Variants in USP31 observed in about 807,000 individuals in gnomAD.
The protein encoded by USP31 is ubiquitin specific peptidase 31.
A neutral mutation model predicts 119.4 loss-of-function variants in USP31; 44 were observed. That is an observed-to-expected ratio of 0.37 (90% confidence interval 0.29 to 0.47). USP31 has a LOEUF of 0.47. USP31 is among the 20% of genes least tolerant of loss of function. The pLI, the probability that USP31 is intolerant of heterozygous loss-of-function variation, is 0.99. For synonymous variants in USP31, 749 were observed against 705.6 expected, an observed-to-expected ratio of 1.06 and a Z score of -0.97; for missense variants, 1,643 against 1,730.2, an observed-to-expected ratio of 0.95 and a Z score of 0.89.
chr16:23,095,263 T>A (rs1409322589), intron 6 of USP31, among the ~76,000 whole-genome samples: 1 of 152,088 alleles, frequency 6.6e-6, no homozygotes, highest in African/African-American at 2.4e-5. Context: ...GAAGCTCAAA[T>A]TAATGAAATA....
chr16:23,075,029 T>C (rs1156487352), intron 13 of USP31, among the ~76,000 whole-genome samples: 1 of 152,106 alleles, frequency 6.6e-6, no homozygotes, highest in East Asian at 1.9e-4. Flanking sequence ...GCCATAACCA[T>C]TTCCGCAAGT....
chr16:23,143,595 G>GC lies in USP31; in HGVS notation c.633+5042_633+5043insG, dbSNP rs1491409758. On this transcript the variant is annotated intron_variant, in intron 1 of 15. Coordinates refer to ENST00000219689, the MANE Select transcript of USP31 (RefSeq NM_020718.4). The stretch of plus-strand genomic sequence containing the variant: ...GAGAGAGGGAGAGGTTGGGGGGGGG[G>GC]AGAGAGAGAGAAAGAGAGAGCGCGA... Among the ~76,000 whole-genome samples the GC allele has an allele frequency of 8.6e-5, 12 of 140,060 alleles. No homozygotes were observed. The East Asian group carries it at 2.1e-3, about 24-fold the overall frequency. 91.9% of individuals were successfully genotyped at this position (140,060 alleles called of 152,430 possible).
chr16:23,117,678 A>G (rs1300765219), intron 1 of USP31, among the ~76,000 whole-genome samples: 1 of 152,228 alleles, frequency 6.6e-6, no homozygotes, highest in African/African-American at 2.4e-5. Flanking sequence ...ACTATGCAGT[A>G]GAAAAAGAAA....
Position 23,105,609 on chromosome 16 carries a change from T to G in USP31, c.954-33A>C. The G allele has an allele frequency of 2.0e-6, 3 of 1,495,948 alleles. No individual in the cohort carries two copies. In the South Asian group the frequency reaches 4.1e-5, roughly 21 times the overall value. The allele number at this position is 1,495,948 out of a possible 1,614,324, so 92.7% of individuals were successfully genotyped here. A position where few individuals can be genotyped will look rare whatever the true frequency, so the allele number is the denominator to read the frequency against. ...GATCAAAGTCAGATCTTCTCATTAG[T>G]CACTTATTTCAACTAAAATATAGAA... On this transcript the variant is annotated intron_variant, in intron 4 of 15. Coordinates refer to ENST00000219689, the MANE Select transcript of USP31 (RefSeq NM_020718.4).
intron 1 of USP31, among the ~76,000 whole-genome samples, chr16:23,136,695 A>G (rs951307533): frequency 6.6e-6 from 1 of 152,072 alleles, no homozygotes; most frequent in Non-Finnish European, 1.5e-5. Context: ...AGGCACTACC[A>G]AGAGAGTGAA....
intron 1 of USP31, among the ~76,000 whole-genome samples, chr16:23,137,583 A>G (rs1335058908): frequency 6.6e-6 from 1 of 150,752 alleles, no homozygotes; most frequent in African/African-American, 2.4e-5. Context: ...TCCTCCCTAC[A>G]TAATATAACA....
rs190498757 is a variant in USP31, at chr16:23,067,465, G to C, written c.*581C>G. On this transcript the variant is annotated 3_prime_UTR_variant, in exon 16 of 16. Transcript: ENST00000219689. ...GGTGTGCAACCATCCTAGACTAGCT[G>C]AGTATATACCTGAGAAACATTAGTG... 39 of 152,946 alleles carry C rather than the reference G, an allele frequency of 2.5e-4. No individual in the cohort carries two copies. Among genetic ancestry groups the C allele is most frequent in the African/African-American group, 9.1e-4 (38 of 41,592 alleles). The allele number at this position is 152,946 out of a possible 1,614,324, so 9.5% of individuals were successfully genotyped here.
chr16:23,136,110 T>C lies in USP31; in HGVS notation c.633+12528A>G, dbSNP rs549726526. 1.4e-4 allele frequency among the ~76,000 whole-genome samples: 21 copies of C among 152,284 alleles called. No individual in the cohort carries two copies. In the South Asian group the frequency reaches 4.4e-3, roughly 32 times the overall value. On this transcript the variant is annotated intron_variant, in intron 1 of 15. Coordinates refer to ENST00000219689, the MANE Select transcript of USP31 (RefSeq NM_020718.4). ...ATCATTCAACAGGGAAAGCACAATT[T>C]TGTCAACCAGGGTATAGTCCTGGGA...
intron 1 of USP31, among the ~76,000 whole-genome samples, chr16:23,117,760 T>TTTG (rs1555468290): frequency 5.9e-4 from 85 of 144,912 alleles, no homozygotes; most frequent in Admixed American, 1.3e-3. Flanking sequence ...TCTTTTTTTT[T>TTTG]TTGTTGTTGT....
chr16:23,104,795 ATAG>A, intron 5 of USP31, among the ~76,000 whole-genome samples: 1 of 152,246 alleles, frequency 6.6e-6, no homozygotes, highest in Non-Finnish European at 1.5e-5. Context: ...TAAAATAATA[ATAG>A]TAAATTGAGT....
At chr16:23,083,550 C>T (rs1900934296) in intron 11 of USP31, among the ~76,000 whole-genome samples, 1 of 147,846 alleles carries the variant, frequency 6.8e-6, no homozygotes, top group Non-Finnish European at 1.5e-5. Context: ...AGTAGATTTG[C>T]TCATCCATTA....
chr16:23,070,810 A>G (rs1007371415), intron 15 of USP31, among the ~76,000 whole-genome samples: 6 of 152,214 alleles, frequency 3.9e-5, no homozygotes, highest in African/African-American at 1.2e-4. Flanking sequence ...TTTCTACACA[A>G]TGATACTACA....
chr16:23,144,982 T>C (rs1035376636), intron 1 of USP31, among the ~76,000 whole-genome samples: 2 of 152,148 alleles, frequency 1.3e-5, no homozygotes, highest in Admixed American at 6.5e-5. Flanking sequence ...CAAACCAGCA[T>C]AGCTCACGAA....
At chr16:23,134,085 TCTCTCACACA>T (rs1903111299) in intron 1 of USP31, among the ~76,000 whole-genome samples, 1 of 112,346 alleles carries the variant, frequency 8.9e-6, no homozygotes, top group Non-Finnish European at 2.0e-5. Flanking sequence ...TCTCTCTCTC[TCTCTCACACA>T]CACACACACA....
chr16:23,110,710 A>G (rs1902284147), intron 1 of USP31, among the ~76,000 whole-genome samples: 1 of 152,190 alleles, frequency 6.6e-6, no homozygotes, highest in African/African-American at 2.4e-5. Flanking sequence ...ACTCTCCTCC[A>G]AAGTAAAATG....
intron 1 of USP31, among the ~76,000 whole-genome samples, chr16:23,126,016 G>A (rs1902840780): frequency 6.6e-6 from 1 of 152,054 alleles, no homozygotes; most frequent in Non-Finnish European, 1.5e-5. Flanking sequence ...TACTATGGGG[G>A]TTAAAGGGAA....
Position 23,068,818 on chromosome 16 carries a change from T to A in USP31, c.3287A>T (p.Lys1096Ile). 6.4e-7 allele frequency: 1 copy of A among 1,555,530 alleles called. No homozygotes were observed. The change falls in exon 16 of 16, where the codon AAA becomes ATA. Residue 1096 changes from lysine to isoleucine, a missense_variant. Transcript: ENST00000219689. Reference sequence around the variant, plus strand: ...CTGAGATTTCGGGGATGACTCCTTTTTGGGTTGGGCAGGGGCAGGGGATGA... The same window carrying A: ...CTGAGATTTCGGGGATGACTCCTTTATGGGTTGGGCAGGGGCAGGGGATGA... ...RHSSPAPAQP[K>I]KESSPKSQDS...
intron 1 of USP31, among the ~76,000 whole-genome samples, chr16:23,144,134 A>C (rs2141906164): frequency 6.6e-6 from 1 of 152,314 alleles, no homozygotes; most frequent in Non-Finnish European, 1.5e-5. Flanking sequence ...CTAAAACTCA[A>C]ATCAATGTGG....
chr16:23,126,375 A>G (rs1902854857), intron 1 of USP31, among the ~76,000 whole-genome samples: 2 of 150,464 alleles, frequency 1.3e-5, no homozygotes, highest in Admixed American at 1.3e-4. Flanking sequence ...CTGTAATCCC[A>G]GCACTTTGGG....
Sources: gnomAD v4.1 joint callset for allele counts (sites outside exome capture counted in the v4.1 genomes callset) on GRCh38, gnomAD v4.1.1 for gene constraint, MANE v1.5 for transcripts, NCBI Gene and HGNC (gene_info 2026-07-23, HGNC 2026-07-21) for gene names.